The following SOX5 variants were observed in gnomAD, a reference collection of about 807,000 sequenced individuals.
The protein encoded by SOX5 is transcription factor SOX-5.
SOX5 carries 9 observed loss-of-function variants against 92.0 expected under a neutral mutation model. The ratio of observed to expected loss-of-function variants is 0.10; its 90% CI spans 0.06 to 0.17. The LOEUF (loss-of-function observed/expected upper bound fraction) is 0.17. SOX5 is among the 10% of genes least tolerant of loss of function. SOX5 has a pLI of 1.00. For synonymous variants in SOX5, 344 were observed against 336.3 expected (o/e 1.02, Z -0.25); for missense variants, 642 against 944.5 (o/e 0.68, Z 4.20).
At chr12:23,674,277 A>G (rs554883487) in intron 6 of SOX5, among the ~76,000 whole-genome samples, 2 of 152,162 alleles carry the variant, frequency 1.3e-5, no homozygotes, top group Non-Finnish European at 2.9e-5. Context: ...TGATTCAGAT[A>G]AAGAGCACAG....
At chr12:24,505,856 T>TGTGTGTGTGTGTGTGCGC (rs1389149108) in intron 1 of SOX5, among the ~76,000 whole-genome samples, 11 of 99,634 alleles carry the variant, frequency 1.1e-4, no homozygotes, top group African/African-American at 3.9e-4. Context: ...TGTGTGTGCG[T>TGTGTGTGTGTGTGTGCGC]GTGTGTGTGT....
intron 4 of SOX5, among the ~76,000 whole-genome samples, chr12:24,076,911 T>C (rs922477208): frequency 6.6e-6 from 1 of 152,112 alleles, no homozygotes; most frequent in African/African-American, 2.4e-5. Context: ...AGCTCTCCTT[T>C]ACAGTATTCC....
chr12:23,950,925 A>G, upstream of SOX5: 3 of 1,518,488 alleles, frequency 2.0e-6, no homozygotes, highest in Non-Finnish European at 2.7e-6. Context: ...CTGGTCAGGG[A>G]GTAAGCACAC....
intron 4 of SOX5, among the ~76,000 whole-genome samples, chr12:23,993,727 T>C (rs1435109820): frequency 1.3e-5 from 2 of 152,106 alleles, no homozygotes; most frequent in East Asian, 1.9e-4. Context: ...GACATAGATA[T>C]GAAAAAATGT....
intron 1 of SOX5, among the ~76,000 whole-genome samples, chr12:24,414,813 T>C (rs1964732886): frequency 6.6e-6 from 1 of 152,222 alleles, no homozygotes; most frequent in South Asian, 2.1e-4. Context: ...TGTATTGCCA[T>C]GTCCAATGCT....
At chr12:24,244,130 G>A (rs1938112632) in intron 3 of SOX5, among the ~76,000 whole-genome samples, 1 of 152,050 alleles carries the variant, frequency 6.6e-6, no homozygotes, top group Non-Finnish European at 1.5e-5. Context: ...AGAAAAGGCT[G>A]GGGAAGAAGA....
rs56259319 is a variant in SOX5 at position 24,352,276 on chromosome 12, C to A, written c.-174+16287G>T. Among the ~76,000 whole-genome samples the A allele has an allele frequency of 3.3e-3, 497 of 152,218 alleles. 1 individual carries two copies. The highest frequency in any genetic ancestry group is 0.012 in the African/African-American group (485 of 41,536). On this transcript the variant is annotated intron_variant, in intron 2 of 4. Transcript: ENST00000446891. ...TTTTTCCACCCAGTGATGGAAATAA[C>A]GAGTTCTCTCTACTTGACTACTGAA...
intron 4 of SOX5, among the ~76,000 whole-genome samples, chr12:24,092,975 G>A (rs1032054963): frequency 2.0e-5 from 3 of 152,000 alleles, no homozygotes; most frequent in Admixed American, 6.6e-5. Flanking sequence ...CATGGTGAGC[G>A]GCCCCAAGGA....
upstream of SOX5, chr12:24,562,557 C>G (rs556423930): frequency 1.3e-5 from 2 of 153,246 alleles, no homozygotes; most frequent in African/African-American, 4.8e-5. Context: ...TCGCGCTCCC[C>G]GTGTTGCTCT....
At chr12:24,479,121 T>A (rs1308407064) in intron 1 of SOX5, among the ~76,000 whole-genome samples, 1 of 152,204 alleles carries the variant, frequency 6.6e-6, no homozygotes, top group Non-Finnish European at 1.5e-5. Flanking sequence ...TTCATTCACA[T>A]CCACATAGTT....
At chr12:24,296,816 C>T (rs377322657) in intron 2 of SOX5, among the ~76,000 whole-genome samples, 817 of 53,136 alleles carry the variant, frequency 0.015, 7 homozygotes, top group African/African-American at 0.049. Context: ...ATACATTGTT[C>T]TTAAAAAAAA....
chr12:24,536,935 A>T (rs900424969), intron 1 of SOX5, among the ~76,000 whole-genome samples: 1 of 152,162 alleles, frequency 6.6e-6, no homozygotes, highest in Non-Finnish European at 1.5e-5. Flanking sequence ...TTCCTTTCTG[A>T]TTCAAAACTG....
chr12:24,511,866 G>A (rs956294724), intron 1 of SOX5, among the ~76,000 whole-genome samples: 11 of 151,398 alleles, frequency 7.3e-5, no homozygotes, highest in South Asian at 2.1e-4. Flanking sequence ...GCTGAGGCAG[G>A]AGAATGGTGT....
intron 4 of SOX5, among the ~76,000 whole-genome samples, chr12:24,008,710 G>A (rs1046363982): frequency 1.3e-5 from 2 of 152,022 alleles, no homozygotes; most frequent in African/African-American, 2.4e-5. Flanking sequence ...AAATTCCTAT[G>A]TTATTAAAGA....
chr12:24,392,602 T>C (rs1054123264), intron 1 of SOX5, among the ~76,000 whole-genome samples: 5 of 152,100 alleles, frequency 3.3e-5, no homozygotes, highest in African/African-American at 9.7e-5. Flanking sequence ...CCCCCAACCC[T>C]ACCCTCACCC....
intron 14 of SOX5, 137 bp from the exon 15 acceptor site, chr12:23,534,659 A>C: frequency 1.6e-6 from 1 of 606,198 alleles, no homozygotes; most frequent in East Asian, 3.0e-5. Context: ...CATTTTTCAA[A>C]CTCCATCCTA....
chr12:23,900,309 A>G (rs2097217599), intron 1 of SOX5, among the ~76,000 whole-genome samples: 2 of 152,146 alleles, frequency 1.3e-5, no homozygotes. Context: ...CTGCATAATT[A>G]AGCTACTCTT....
At chr12:24,069,119 A>G (rs1188538129) in intron 4 of SOX5, among the ~76,000 whole-genome samples, 2 of 141,778 alleles carry the variant, frequency 1.4e-5, no homozygotes, top group African/African-American at 2.6e-5. Context: ...CTTAAAAAAA[A>G]ATAGACAAAG....
intron 7 of SOX5, among the ~76,000 whole-genome samples, chr12:23,664,511 C>A (rs2083512619): frequency 6.6e-6 from 1 of 152,050 alleles, no homozygotes; most frequent in Non-Finnish European, 1.5e-5. Flanking sequence ...TCTAGCTTAG[C>A]AATCTAGCCC....
Sources: gnomAD v4.1 joint callset for allele counts (sites outside exome capture counted in the v4.1 genomes callset) on GRCh38, gnomAD v4.1.1 for gene constraint, MANE v1.5 for transcripts, NCBI Gene and HGNC (gene_info 2026-07-23, HGNC 2026-07-21) for gene names.